MBP: variants seen among roughly 807,000 people sequenced by gnomAD.
MBP encodes myelin basic protein, also known as Golli-MBP.
A neutral mutation model predicts 35.8 loss-of-function variants in MBP; 16 were observed. The observed-to-expected ratio is 0.45, with a 90% CI of 0.30 to 0.68. MBP has a LOEUF of 0.68. Among genes scored for constraint, MBP ranks in the 30% least tolerant of loss-of-function variants. MBP has a pLI of 0.08. For missense variants in MBP, 380 were observed against 404.7 expected, an observed-to-expected ratio of 0.94 and a Z score of 0.52; for synonymous variants, 143 against 159.6, an observed-to-expected ratio of 0.90 and a Z score of 0.78.
At chr18:77,115,192 G>T (rs772394560) in intron 1 of MBP, 2 of 152,162 alleles carry the variant, frequency 1.3e-5, no homozygotes, top group Non-Finnish European at 1.5e-5. Context: ...ACATGACCCC[G>T]GGCCCTGGTC....
intron 2 of MBP, among the ~76,000 whole-genome samples, chr18:77,090,333 C>T (rs1036633275): frequency 1.4e-4 from 21 of 152,194 alleles, no homozygotes; most frequent in Non-Finnish European, 1.8e-4. Context: ...TTGCCTCAGC[C>T]GACAACGTGC....
rs554553020 is a variant in MBP, at chr18:77,052,398, C to T, written c.139+13900G>A. Among the ~76,000 whole-genome samples the T allele has an allele frequency of 4.6e-5, 7 of 152,288 alleles. No homozygotes were observed. In the South Asian group the frequency reaches 1.0e-3, roughly 23 times the overall value. On this transcript the variant is annotated intron_variant, in intron 3 of 8. Coordinates refer to ENST00000355994, the MANE Select transcript of MBP (RefSeq NM_001025101.2). ...CAGGGACCCCTTTGTCTGAGCTCCC[C>T]GGGTCCCGAGCTGGACGCACGGCTG... is the stretch of plus-strand genomic sequence containing the variant.
rs117046833 is a variant in MBP at position 77,107,980 on chromosome 18, C to G, written c.-25-2694G>C. On this transcript the variant is annotated intron_variant, in intron 1 of 8. Coordinates refer to ENST00000355994, the MANE Select transcript of MBP (RefSeq NM_001025101.2). ...AAAGACAAGAGGAACAAAACGACAACTTGATGTGTGGGAGCCCCCATCAGA... is the reference window on the plus strand; with the variant it reads ...AAAGACAAGAGGAACAAAACGACAAGTTGATGTGTGGGAGCCCCCATCAGA... Among the ~76,000 whole-genome samples the G allele has an allele frequency of 1.4e-4, 21 of 152,328 alleles. No individual in the cohort carries two copies. In the East Asian group the frequency reaches 4.0e-3, roughly 29 times the overall value.
At chr18:77,046,808 CT>C (rs1220760647) in intron 3 of MBP, among the ~76,000 whole-genome samples, 3 of 152,238 alleles carry the variant, frequency 2.0e-5, no homozygotes, top group Admixed American at 6.5e-5. Flanking sequence ...GGAGGGAAAG[CT>C]TTTGTTCTGG....
Position 77,098,133 on chromosome 18 carries a change from C to T in MBP, c.51+7078G>A, listed in dbSNP as rs561048889. ...TAATTTTGTTGGTCTCCTGATTAGA[C>T]TGTGAGGTATTCTGAGGACAGACAC... is the stretch of plus-strand genomic sequence containing the variant. On this transcript the variant is annotated intron_variant, in intron 2 of 8. Coordinates refer to ENST00000355994, the MANE Select transcript of MBP (RefSeq NM_001025101.2). 2.1e-5 allele frequency among the ~76,000 whole-genome samples: 3 copies of T among 142,908 alleles called. No individual in the cohort carries two copies. The East Asian group carries it at 6.5e-4, about 31-fold the overall frequency. 93.8% of individuals were successfully genotyped at this position (142,908 alleles called of 152,430 possible). A position where few individuals can be genotyped will look rare whatever the true frequency, so the allele number is the denominator to read the frequency against.
At chr18:77,110,626 C>G (rs1976417200) in intron 1 of MBP, 1 of 152,220 alleles carries the variant, frequency 6.6e-6, no homozygotes, top group African/African-American at 2.4e-5. Context: ...CTACATTTCC[C>G]AGCAGCCCTT....
At chr18:77,002,974 T>C (rs1905029459) in intron 4 of MBP, 1 of 152,200 alleles carries the variant, frequency 6.6e-6, no homozygotes, top group Non-Finnish European at 1.5e-5. Flanking sequence ...GTAGACAAAG[T>C]CAATGACATA....
intron 3 of MBP, among the ~76,000 whole-genome samples, chr18:77,029,360 A>C (rs1972442570): frequency 6.8e-6 from 1 of 146,070 alleles, no homozygotes. Flanking sequence ...AGATGGCAGC[A>C]GTACAGTCCA....
chr18:77,042,729 C>A (rs1297181041), intron 3 of MBP, among the ~76,000 whole-genome samples: 1 of 152,242 alleles, frequency 6.6e-6, no homozygotes, highest in African/African-American at 2.4e-5. Flanking sequence ...GCCAGGGCCT[C>A]ACACAATGTC....
intron 1 of MBP, chr18:77,108,247 C>T (rs1334450608): frequency 6.6e-6 from 1 of 152,242 alleles, no homozygotes; most frequent in Non-Finnish European, 1.5e-5. Flanking sequence ...AAAGATCCAT[C>T]TGCACACAAA....
chr18:77,049,128 C>A (rs3934444), intron 3 of MBP, among the ~76,000 whole-genome samples: 77,693 of 151,316 alleles, frequency 0.51, 21,046 homozygotes, highest in Admixed American at 0.61. Context: ...ACCGTGTTAG[C>A]CTGGATGGTC....
intron 1 of MBP, among the ~76,000 whole-genome samples, chr18:77,132,180 G>A (rs1977302507): frequency 6.6e-6 from 1 of 152,130 alleles, no homozygotes; most frequent in South Asian, 2.1e-4. Flanking sequence ...ACGGCCCGAG[G>A]CCGAGCGGTT....
chr18:77,052,186 A>G (rs936049091), intron 3 of MBP, among the ~76,000 whole-genome samples: 2 of 152,202 alleles, frequency 1.3e-5, no homozygotes, highest in African/African-American at 2.4e-5. Flanking sequence ...CAGCCACACA[A>G]CAGAGTCCCA....
chr18:76,986,144 C>A (rs533254670), intron 7 of MBP: 1 of 985,454 alleles, frequency 1.0e-6, no homozygotes, highest in Non-Finnish European at 1.2e-6. Context: ...AGGCTGACCA[C>A]GCTGTTAGCT....
At chr18:77,045,014 C>T (rs770466420) in intron 3 of MBP, among the ~76,000 whole-genome samples, 3 of 151,608 alleles carry the variant, frequency 2.0e-5, no homozygotes, top group Non-Finnish European at 4.4e-5. Context: ...TAACGGGATA[C>T]ACACAGATGT....
chr18:77,045,845 T>C lies in MBP; in HGVS notation c.139+20453A>G, dbSNP rs56678286. On this transcript the variant is annotated intron_variant, in intron 3 of 8. Transcript: ENST00000355994. ...GACCAAAACCTCCACGCAACTGACA[T>C]CCTGGAAAGTGGATGGTGCCTTTTG... 9.2e-3 allele frequency among the ~76,000 whole-genome samples: 1,405 copies of C among 152,306 alleles called. 42 individuals carry two copies. The East Asian group carries it at 0.1, about 11-fold the overall frequency.
chr18:77,091,765 GCCACACACACA>G (rs998396661), intron 2 of MBP, among the ~76,000 whole-genome samples: 1 of 150,362 alleles, frequency 6.7e-6, no homozygotes, highest in African/African-American at 2.5e-5. Flanking sequence ...ATGTATATAT[GCCACACACACA>G]CCACACACAC....
rs1351668458 is a variant in MBP, at chr18:77,111,122, T to C, written c.-25-5836A>G. Among the ~76,000 whole-genome samples the C allele has an allele frequency of 7.1e-4, 108 of 152,156 alleles. 3 individuals are homozygous for C. Among genetic ancestry groups the C allele is most frequent in the Admixed American group, 6.9e-3 (106 of 15,276 alleles). On this transcript the variant is annotated intron_variant, in intron 1 of 8. Coordinates refer to ENST00000355994, the MANE Select transcript of MBP (RefSeq NM_001025101.2). ...TTCAGAAAGCCTGGCAATGTTTGCCTGGGAGGAAAAGCTCCATAAATACAC... is the reference window on the plus strand; with the variant it reads ...TTCAGAAAGCCTGGCAATGTTTGCCCGGGAGGAAAAGCTCCATAAATACAC...
rs1977265363 is a variant in MBP at position 77,131,373 on chromosome 18, G to T, written c.-26+1207C>A. Among the ~76,000 whole-genome samples, 1 of 152,130 alleles carries T rather than the reference G, an allele frequency of 6.6e-6. No homozygotes were observed. The highest frequency in any genetic ancestry group is 6.5e-5 in the Admixed American group (1 of 15,282). ...AAAACACACACTGGAGTTCCCTGACGTTTCCTTCCTCTGAAAAACTCTCTT... is the reference window on the plus strand; with the variant it reads ...AAAACACACACTGGAGTTCCCTGACTTTTCCTTCCTCTGAAAAACTCTCTT... On this transcript the variant is annotated intron_variant, in intron 1 of 8. Transcript: ENST00000355994. The surrounding 1 kb of genome is among the most constrained non-coding windows in gnomAD (Gnocchi z 5.5).
Sources: allele counts gnomAD v4.1 joint callset (sites outside exome capture counted in the v4.1 genomes callset), GRCh38; gene constraint gnomAD v4.1.1; non-coding constraint Gnocchi (gnomAD v3.1); transcripts MANE v1.5; gene names NCBI Gene and HGNC (gene_info 2026-07-23, HGNC 2026-07-21).